The following KBTBD2 variants were observed in gnomAD, a reference collection of about 807,000 sequenced individuals.
The protein encoded by KBTBD2 is kelch repeat and BTB domain containing 2, also known as kelch repeat and BTB domain-containing protein 2.
KBTBD2 carries 17 observed loss-of-function variants against 57.1 expected under a neutral mutation model. That is an observed-to-expected ratio of 0.30 (90% CI 0.20 to 0.45). The LOEUF (loss-of-function observed/expected upper bound fraction) is 0.45, where lower values mean the gene tolerates loss of function less well. Ranked by LOEUF, KBTBD2 falls within the 20% of genes least tolerant of loss-of-function variation. The pLI, the probability that KBTBD2 is intolerant of heterozygous loss-of-function variation, is 1.00. For synonymous variants in KBTBD2, 267 were observed against 262.7 expected, an observed-to-expected ratio of 1.02 and a Z score of -0.16; for missense variants, 515 against 750.6, an observed-to-expected ratio of 0.69 and a Z score of 3.67.
chr7:32,880,888 G>A (rs374975926), intron 1 of KBTBD2, among the ~76,000 whole-genome samples: 6 of 152,166 alleles, frequency 3.9e-5, no homozygotes, highest in East Asian at 1.9e-4. Flanking sequence ...GGATCACAAC[G>A]TCAGGAGTTC....
Position 32,870,121 on chromosome 7 carries a change from T to C in KBTBD2, c.1096A>G (p.Met366Val). The stretch of plus-strand genomic sequence containing the variant: ...GATGGCTTTATGCGGACAAAAAGCA[T>C]TGGGGTCTTTGGAAACCAGGTATTT... Reference protein sequence around the residue: ...QQNTWFPKTPMLFVRIKPSLV... With the variant: ...QQNTWFPKTPVLFVRIKPSLV... The change falls in exon 4 of 4, where the codon ATG becomes GTG. Residue 366 changes from methionine to valine, a missense_variant. Met to Val is a conservative substitution (Grantham distance 21). Coordinates refer to ENST00000304056, the MANE Select transcript of KBTBD2 (RefSeq NM_015483.3). 6.2e-7 allele frequency: 1 copy of C among 1,614,200 alleles called. No homozygotes were observed.
intron 3 of KBTBD2, among the ~76,000 whole-genome samples, chr7:32,871,235 T>C (rs188278491): frequency 8.1e-4 from 123 of 152,252 alleles, no homozygotes; most frequent in Non-Finnish European, 1.3e-3. Flanking sequence ...TATGAAAAAA[T>C]GTAAATAAAT....
At chr7:32,888,203 G>A (rs1184901978) in intron 1 of KBTBD2, among the ~76,000 whole-genome samples, 1 of 152,082 alleles carries the variant, frequency 6.6e-6, no homozygotes, top group African/African-American at 2.4e-5. Flanking sequence ...AAAATATTAA[G>A]ATAATTTTTC....
At chr7:32,881,935 G>T (rs906684385) in intron 1 of KBTBD2, among the ~76,000 whole-genome samples, 1 of 152,158 alleles carries the variant, frequency 6.6e-6, no homozygotes, top group African/African-American at 2.4e-5. Flanking sequence ...CCTACATTAT[G>T]AAATCCTCTC....
At chr7:32,887,541 TAGGAATGA>T (rs1170528469) in intron 1 of KBTBD2, among the ~76,000 whole-genome samples, 2 of 152,068 alleles carry the variant, frequency 1.3e-5, no homozygotes, top group Non-Finnish European at 2.9e-5. Flanking sequence ...AATTATATAG[TAGGAATGA>T]AGGAATGATA....
At chr7:32,889,682 T>C (rs1784681003) in intron 1 of KBTBD2, among the ~76,000 whole-genome samples, 1 of 152,184 alleles carries the variant, frequency 6.6e-6, no homozygotes, top group Non-Finnish European at 1.5e-5. Context: ...TCTACAAAAC[T>C]GAAAAGATTA....
rs1442233534 is a variant in KBTBD2, at chr7:32,869,289, T to G, written c.*56A>C. The G allele has an allele frequency of 7.8e-7, 1 of 1,290,258 alleles. No homozygotes were observed. The highest frequency in any genetic ancestry group is 1.1e-6 in the Non-Finnish European group (1 of 930,732). The allele number at this position is 1,290,258 out of a possible 1,614,324, so 79.9% of individuals were successfully genotyped here. On this transcript the variant is annotated 3_prime_UTR_variant, in exon 4 of 4. Transcript: ENST00000304056. ...TAGTTCTTTCATAGCCTCTTTTGTT[T>G]AGCAAAGAAAATGACAAAGCACATA...
intron 2 of KBTBD2, among the ~76,000 whole-genome samples, 175 bp from the exon 3 acceptor site, chr7:32,875,332 T>TA (rs1414624152): frequency 2.6e-5 from 4 of 152,122 alleles, no homozygotes; most frequent in African/African-American, 9.7e-5. Context: ...AGTGCAGTGG[T>TA]ACCATCATGG....
At chr7:32,875,270 G>C (rs78706127) in intron 2 of KBTBD2, 113 bp from the exon 3 acceptor site, 17,294 of 1,008,086 alleles carry the variant, frequency 0.017, 213 homozygotes, top group Non-Finnish European at 0.019. Flanking sequence ...TTACTTATAA[G>C]AGAAACTTTT....
chr7:32,877,954 C>CA (rs1374311165), intron 2 of KBTBD2, among the ~76,000 whole-genome samples: 2 of 150,944 alleles, frequency 1.3e-5, no homozygotes, highest in African/African-American at 2.4e-5. Context: ...ACTAAAAATA[C>CA]AAAAAAAATT....
intron 1 of KBTBD2, among the ~76,000 whole-genome samples, chr7:32,880,331 C>T (rs527997182): frequency 4.0e-5 from 6 of 151,776 alleles, no homozygotes; most frequent in Non-Finnish European, 8.8e-5. Context: ...TTTAAAAAAA[C>T]AAAAAACCTG....
chr7:32,880,193 C>T (rs1378717569), intron 1 of KBTBD2, among the ~76,000 whole-genome samples: 2 of 151,978 alleles, frequency 1.3e-5, no homozygotes. Flanking sequence ...CAGAAAATAA[C>T]GAACACATGA....
chr7:32,870,601 T>C lies in KBTBD2; in HGVS notation c.616A>G (p.Thr206Ala). Residue 206 changes from threonine to alanine, a missense_variant, in exon 4 of 4, where the codon ACA becomes GCA. Physicochemically the swap from Thr to Ala is moderately conservative, Grantham distance 58. Coordinates refer to ENST00000304056, the MANE Select transcript of KBTBD2 (RefSeq NM_015483.3). ...EAAMLWLEYN[T>A]ESRSQYLSSV... Reference sequence around the variant, plus strand: ...GACAAATACTGGGATCGTGATTCTGTGTTATACTCTAGCCACAGCATAGCA... The same window carrying C: ...GACAAATACTGGGATCGTGATTCTGCGTTATACTCTAGCCACAGCATAGCA... 1 of 1,614,160 alleles carries C rather than the reference T, an allele frequency of 6.2e-7. No individual in the cohort carries two copies. Among genetic ancestry groups the C allele is most frequent in the Non-Finnish European group, 8.5e-7 (1 of 1,180,024 alleles).
chr7:32,890,608 G>A (rs1784707858), intron 1 of KBTBD2, among the ~76,000 whole-genome samples: 1 of 152,192 alleles, frequency 6.6e-6, no homozygotes, highest in Non-Finnish European at 1.5e-5. Flanking sequence ...TAAATGCTGT[G>A]AGCCCGACGT....
chr7:32,877,500 T>G (rs1784342503), intron 2 of KBTBD2, among the ~76,000 whole-genome samples: 1 of 152,206 alleles, frequency 6.6e-6, no homozygotes, highest in African/African-American at 2.4e-5. Context: ...ACAGAACTGG[T>G]AACTCAAACT....
In KBTBD2 at chr7:32,869,496, T is replaced by C; in HGVS notation, c.1721A>G (p.Asp574Gly). The C allele has an allele frequency of 6.2e-7, 1 of 1,614,116 alleles. No homozygotes were observed. Among genetic ancestry groups the C allele is most frequent in the Non-Finnish European group, 8.5e-7 (1 of 1,180,014 alleles). Residue 574 changes from aspartate (D) to glycine (G), a missense_variant, in exon 4 of 4, where the codon GAC (aspartate) becomes GGC (glycine). Physicochemically the swap from Asp to Gly is moderately conservative, Grantham distance 94. Transcript: ENST00000304056. ...AGTGCATCGAAAATCTCTCCCCAAG[T>C]CCCACAGTACACGTTCAGATATATG... is the stretch of plus-strand genomic sequence containing the variant. ...RQHISERVLW[D>G]LGRDFRCTVG...
Position 32,879,636 on chromosome 7 carries a change from A to G in KBTBD2, c.-32T>C, listed in dbSNP as rs1259463475. The G allele has an allele frequency of 6.3e-7, 1 of 1,588,450 alleles. No individual in the cohort carries two copies. The highest frequency in any genetic ancestry group is 8.6e-7 in the Non-Finnish European group (1 of 1,163,304). The stretch of plus-strand genomic sequence containing the variant: ...ATTCCATTAATATCTCCAGGAACAG[A>G]TTAGAAAAGTCCGTCTTACTGATGG... On this transcript the variant is annotated 5_prime_UTR_variant, in exon 2 of 4. Coordinates refer to ENST00000304056, the MANE Select transcript of KBTBD2 (RefSeq NM_015483.3).
intron 3 of KBTBD2, among the ~76,000 whole-genome samples, chr7:32,872,320 C>T (rs760641397): frequency 7.2e-5 from 11 of 152,158 alleles, no homozygotes; most frequent in Non-Finnish European, 1.6e-4. Context: ...CAGCAAGCTA[C>T]CCCAGCCTCA....
chr7:32,890,764 C>T (rs1219702028), intron 1 of KBTBD2, among the ~76,000 whole-genome samples: 1 of 152,114 alleles, frequency 6.6e-6, no homozygotes, highest in African/African-American at 2.4e-5. Context: ...TGGAAGGGGT[C>T]ACCGTGGTAG....
Sources: gnomAD v4.1 joint callset for allele counts (sites outside exome capture counted in the v4.1 genomes callset) on GRCh38, gnomAD v4.1.1 for gene constraint, MANE v1.5 for transcripts, NCBI Gene and HGNC (gene_info 2026-07-23, HGNC 2026-07-21) for gene names.